The following DNAH6 variants were observed in gnomAD, a reference collection of about 807,000 sequenced individuals.
DNAH6 encodes the protein dynein axonemal heavy chain 6.
A neutral mutation model predicts 491.4 loss-of-function variants in DNAH6; 340 were observed. The ratio of observed to expected loss-of-function variants is 0.69; its 90% CI spans 0.63 to 0.76. DNAH6 has a LOEUF of 0.76. DNAH6 is among the 30% of genes least tolerant of loss of function. The pLI is 0.00. For missense variants in DNAH6, 4,443 were observed against 4,972.2 expected (o/e 0.89, Z 3.20); for synonymous variants, 1,603 against 1,686.1 (o/e 0.95, Z 1.21).
intron 11 of DNAH6, among the ~76,000 whole-genome samples, chr2:84,561,768 G>A (rs1200950478): frequency 6.6e-6 from 1 of 152,170 alleles, no homozygotes; most frequent in Non-Finnish European, 1.5e-5. Flanking sequence ...AGACATTTAT[G>A]CAGCCAAAAG....
At chr2:84,490,853 C>T in the DNAH6 span, among the ~76,000 whole-genome samples, 2 of 152,156 alleles carry the variant, frequency 1.3e-5, no homozygotes, top group East Asian at 3.9e-4. Context: ...GAGCCACTGT[C>T]CCTGGCCCAT....
At chr2:84,773,423 C>T (rs562981078) in intron 64 of DNAH6, among the ~76,000 whole-genome samples, 12 of 152,224 alleles carry the variant, frequency 7.9e-5, no homozygotes, top group South Asian at 4.1e-4. Context: ...GCATCATATT[C>T]CATGGTTTAT....
chr2:84,580,397 C>T (rs1244758163), intron 14 of DNAH6, among the ~76,000 whole-genome samples: 1 of 152,000 alleles, frequency 6.6e-6, no homozygotes, highest in Non-Finnish European at 1.5e-5. Context: ...TTGGTTTCCT[C>T]CTCTCAGCCT....
At position 84,777,320 on chromosome 2, in the gene DNAH6, T is replaced by A. The variant is rs183603046; in HGVS notation, c.10704-4173T>A. On this transcript the variant is annotated intron_variant, in intron 64 of 76. Coordinates refer to ENST00000389394, the MANE Select transcript of DNAH6 (RefSeq NM_001370.2). ...AAATGCACTCTTCTTCAAACAGATC[T>A]CTTCCTCAGGAGTCAGACTCACCTT... 10 of 314,102 alleles carry A rather than the reference T, an allele frequency of 3.2e-5. No individual in the cohort carries two copies. The Admixed American group carries it at 3.9e-4, about 12-fold the overall frequency. The allele number at this position is 314,102 out of a possible 1,614,324, so 19.5% of individuals were successfully genotyped here.
chr2:84,611,618 C>G, intron 21 of DNAH6, 56 bp from the exon 22 acceptor site: 1 of 1,415,818 alleles, frequency 7.1e-7, no homozygotes, highest in Non-Finnish European at 9.7e-7. Context: ...TTTACTGTAA[C>G]CATATGTTTT....
chr2:84,624,693 A>T, intron 28 of DNAH6, 73 bp downstream of exon 28: 1 of 1,462,748 alleles, frequency 6.8e-7, no homozygotes, highest in Non-Finnish European at 9.2e-7. Context: ...AAAGTTTCAT[A>T]TGACATTAAC....
chr2:84,544,520 A>T lies in DNAH6; in HGVS notation c.930+20A>T. 2.4e-6 allele frequency: 3 copies of T among 1,272,960 alleles called. No homozygotes were observed. Among genetic ancestry groups the T allele is most frequent in the Non-Finnish European group, 3.3e-6 (3 of 921,612 alleles). The allele number at this position is 1,272,960 out of a possible 1,614,324, so 78.9% of individuals were successfully genotyped here. A position where few individuals can be genotyped will look rare whatever the true frequency, so the allele number is the denominator to read the frequency against. On this transcript the variant is annotated intron_variant, in intron 5 of 76. Coordinates refer to ENST00000389394, the MANE Select transcript of DNAH6 (RefSeq NM_001370.2). The stretch of plus-strand genomic sequence containing the variant: ...AATCCTGTATGTATTTATCATTTAT[A>T]TTTTAAAATAATTACTTACAAAAAA...
At chr2:84,806,908 A>G (rs2105321462) in intron 71 of DNAH6, among the ~76,000 whole-genome samples, 1 of 152,260 alleles carries the variant, frequency 6.6e-6, no homozygotes, top group East Asian at 1.9e-4. Flanking sequence ...CTGTTGTTGA[A>G]GCAAACAGAG....
intron 14 of DNAH6, among the ~76,000 whole-genome samples, chr2:84,582,461 T>C (rs552302117): frequency 6.6e-6 from 1 of 152,184 alleles, no homozygotes; most frequent in Admixed American, 6.5e-5. Context: ...GTTTTTGTTT[T>C]TTTCCTTTGA....
At chr2:84,703,998 A>T in intron 50 of DNAH6, 69 bp from the exon 51 acceptor site, 2 of 1,206,590 alleles carry the variant, frequency 1.7e-6, no homozygotes, top group Non-Finnish European at 2.3e-6. Flanking sequence ...ACTCACTATT[A>T]TTGGCTTTGT....
At chr2:84,749,108 C>G (rs908377420) in intron 63 of DNAH6, among the ~76,000 whole-genome samples, 1 of 152,134 alleles carries the variant, frequency 6.6e-6, no homozygotes, top group African/African-American at 2.4e-5. Context: ...ACCCAAACAC[C>G]GCCCACTAGG....
At chr2:84,591,827 A>G (rs1463222905) in intron 16 of DNAH6, among the ~76,000 whole-genome samples, 1 of 152,242 alleles carries the variant, frequency 6.6e-6, no homozygotes, top group Non-Finnish European at 1.5e-5. Flanking sequence ...ATCTATGGCA[A>G]AGGTGCCAAA....
At position 84,707,716 on chromosome 2, in the gene DNAH6, A is replaced by T. The variant is rs1696614559; in HGVS notation, c.9048A>T (p.Ser3016=). 1 of 1,551,282 alleles carries T rather than the reference A, an allele frequency of 6.4e-7. No homozygotes were observed. The highest frequency in any genetic ancestry group is 1.4e-5 in the African/African-American group (1 of 73,032). Residue 3016 remains serine (S), a splice_region_variant and synonymous_variant, in exon 54 of 77, where the codon TCA becomes TCT. Coordinates refer to ENST00000389394, the MANE Select transcript of DNAH6 (RefSeq NM_001370.2). ...YGAFTAQYRQ[S]LIECWIQDCQ... ...CTTTCACAGCCCAGTACAGGCAGTC[A>T]GTGAGTAACCCTGCTTTCTGTAAGG...
At chr2:84,671,928 T>C (rs1242004104) in intron 39 of DNAH6, among the ~76,000 whole-genome samples, 2 of 152,226 alleles carry the variant, frequency 1.3e-5, no homozygotes, top group African/African-American at 4.8e-5. Context: ...TGTGATGACA[T>C]TTATGAAAGG....
chr2:84,758,201 A>G (rs574331236), intron 63 of DNAH6, among the ~76,000 whole-genome samples: 19 of 152,246 alleles, frequency 1.2e-4, no homozygotes, highest in Admixed American at 2.0e-4. Context: ...TTTTAAGTTC[A>G]AAAGCATTTC....
the DNAH6 span, among the ~76,000 whole-genome samples, chr2:84,504,481 G>A: frequency 6.6e-6 from 1 of 152,108 alleles, no homozygotes; most frequent in African/African-American, 2.4e-5. Flanking sequence ...GTTCTTCAGT[G>A]TCTGGAAATT....
chr2:84,740,066 G>A (rs144719626), intron 62 of DNAH6, among the ~76,000 whole-genome samples: 1,549 of 148,366 alleles, frequency 0.01, 25 homozygotes, highest in African/African-American at 0.035. Flanking sequence ...TTGTTTATTC[G>A]TTTTTCCCTT....
In DNAH6 at chr2:84,523,987, G is replaced by A. The variant is rs141067538; in HGVS notation, c.226-1578G>A. Among the ~76,000 whole-genome samples, 100 of 152,070 alleles carry A rather than the reference G, an allele frequency of 6.6e-4. 1 individual carries two copies. Among genetic ancestry groups the A allele is most frequent in the African/African-American group, 2.3e-3 (94 of 41,504 alleles). ...TCATTTGGTTCAATGTTGAGTTCAG[G>A]TCCTTAATATCTGTGTTAATTTTCT... is the stretch of plus-strand genomic sequence containing the variant. On this transcript the variant is annotated intron_variant, in intron 2 of 76. Coordinates refer to ENST00000389394, the MANE Select transcript of DNAH6 (RefSeq NM_001370.2).
In DNAH6 at chr2:84,637,262, C is replaced by T. The variant is rs1294499077; in HGVS notation, c.4706C>T (p.Ala1569Val). The change falls in exon 31 of 77, where the codon GCA becomes GTA. Residue 1569 changes from alanine to valine, a missense_variant. Physicochemically the swap from Ala to Val is moderately conservative, Grantham distance 64 (BLOSUM62 0). Around this residue, in one of 3 missense-constraint regions of DNAH6, gnomAD observed 2,977 missense variants for 3,296.6 expected, o/e 0.90. Coordinates refer to ENST00000389394, the MANE Select transcript of DNAH6 (RefSeq NM_001370.2). ...GREIKLVMTC[A>V]AFITMNPGYA... Reference sequence around the variant, plus strand: ...GAAATAAAGTTGGTGATGACTTGTGCAGCCTTCATCACAATGAATCCTGGC... The same window carrying T: ...GAAATAAAGTTGGTGATGACTTGTGTAGCCTTCATCACAATGAATCCTGGC... 1.3e-6 allele frequency: 2 copies of T among 1,551,118 alleles called. No homozygotes were observed. The highest frequency in any genetic ancestry group is 4.9e-5 in the East Asian group (2 of 40,904).
Sources: allele counts gnomAD v4.1 joint callset (sites outside exome capture counted in the v4.1 genomes callset), GRCh38; gene constraint gnomAD v4.1.1; regional missense constraint gnomAD v4.1.1; transcripts MANE v1.5; gene names NCBI Gene and HGNC (gene_info 2026-07-23, HGNC 2026-07-21).